Variants in ACBD6 observed in about 807,000 individuals in gnomAD.
ACBD6 encodes acyl-CoA binding domain containing 6.
A neutral mutation model predicts 37.2 loss-of-function variants in ACBD6; 28 were observed. That is an observed-to-expected ratio of 0.75 (90% CI 0.56 to 1.03). The LOEUF (loss-of-function observed/expected upper bound fraction) is 1.03. Among genes scored for constraint, ACBD6 ranks in the 50% least tolerant of loss-of-function variants. ACBD6 has a pLI of 0.00. For synonymous variants in ACBD6, 113 were observed against 126.8 expected (o/e 0.89, Z 0.73); for missense variants, 340 against 337.4 (o/e 1.01, Z -0.06).
intron 6 of ACBD6, among the ~76,000 whole-genome samples, chr1:180,344,289 CCA>C (rs1652091684): frequency 6.6e-6 from 1 of 152,044 alleles, no homozygotes; most frequent in Non-Finnish European, 1.5e-5. Context: ...ACATTTTAGA[CCA>C]CAGAGAATAG....
intron 5 of ACBD6, among the ~76,000 whole-genome samples, chr1:180,399,660 G>C (rs1414767273): frequency 6.6e-6 from 1 of 152,146 alleles, no homozygotes; most frequent in African/African-American, 2.4e-5. Flanking sequence ...AATTTTTGTA[G>C]CTCTAATGTG....
chr1:180,399,553 C>A (rs536328184), intron 5 of ACBD6, among the ~76,000 whole-genome samples: 3 of 152,322 alleles, frequency 2.0e-5, no homozygotes, highest in South Asian at 4.1e-4. Flanking sequence ...CAGGCGTGAG[C>A]CACCACGCCC....
chr1:180,455,191 TA>T (rs561267626), intron 3 of ACBD6, among the ~76,000 whole-genome samples: 1,761 of 151,988 alleles, frequency 0.012, 42 homozygotes, highest in Admixed American at 0.049. Context: ...TATGCAGCCA[TA>T]AAAAAAGGAT....
At chr1:180,272,839 A>C (rs1648760103) in intron 12 of ACBD6, 1 of 152,218 alleles carries the variant, frequency 6.6e-6, no homozygotes, top group African/African-American at 2.4e-5. Context: ...CGTTGTGGGG[A>C]TCAATGAACA....
At chr1:180,489,385 C>T (rs1651400251) in intron 3 of ACBD6, among the ~76,000 whole-genome samples, 1 of 150,544 alleles carries the variant, frequency 6.6e-6, no homozygotes, top group African/African-American at 2.4e-5. Context: ...AGTGTTTAAA[C>T]TAAAAACTAA....
At chr1:180,401,455 A>T (rs141314136) in intron 5 of ACBD6, among the ~76,000 whole-genome samples, 14 of 152,020 alleles carry the variant, frequency 9.2e-5, no homozygotes, top group African/African-American at 3.4e-4. Context: ...TTTTAATTAG[A>T]CTTTTCTCCT....
intron 3 of ACBD6, among the ~76,000 whole-genome samples, chr1:180,441,697 A>C (rs1557872350): frequency 6.6e-6 from 1 of 152,218 alleles, no homozygotes. Flanking sequence ...GGTCTAAAGA[A>C]CACAATGATT....
At chr1:180,366,192 C>T (rs1558268192) in intron 6 of ACBD6, among the ~76,000 whole-genome samples, 1 of 152,142 alleles carries the variant, frequency 6.6e-6, no homozygotes. Context: ...TCTTTTAAGG[C>T]AGATGATTAA....
At chr1:180,360,959 A>C (rs1012541023) in intron 6 of ACBD6, among the ~76,000 whole-genome samples, 1 of 152,136 alleles carries the variant, frequency 6.6e-6, no homozygotes, top group Non-Finnish European at 1.5e-5. Context: ...ACATCAGGAC[A>C]CTTTTCAAAG....
At chr1:180,482,666 G>A (rs1053156987) in intron 3 of ACBD6, among the ~76,000 whole-genome samples, 1 of 152,004 alleles carries the variant, frequency 6.6e-6, no homozygotes, top group African/African-American at 2.4e-5. Flanking sequence ...GAGTAGAAAC[G>A]GAGGAAGAGG....
At chr1:180,393,903 C>G (rs948838999) in intron 6 of ACBD6, among the ~76,000 whole-genome samples, 4 of 152,160 alleles carry the variant, frequency 2.6e-5, no homozygotes. Flanking sequence ...GGAACTTTTA[C>G]TTTGCATTAA....
chr1:180,307,863 G>A (rs1285062376), intron 7 of ACBD6, among the ~76,000 whole-genome samples: 1 of 152,198 alleles, frequency 6.6e-6, no homozygotes, highest in Non-Finnish European at 1.5e-5. Flanking sequence ...GGTGAGGCAG[G>A]AGACTCGCTT....
At chr1:180,273,679 C>G (rs1648830089) in intron 11 of ACBD6, 1 of 156,100 alleles carries the variant, frequency 6.4e-6, no homozygotes, top group South Asian at 2.0e-4. Flanking sequence ...TATTGAACCT[C>G]TCTTCCAGAT....
intron 5 of ACBD6, among the ~76,000 whole-genome samples, chr1:180,401,104 A>G (rs1421731104): frequency 6.6e-6 from 1 of 152,198 alleles, no homozygotes; most frequent in Non-Finnish European, 1.5e-5. Context: ...AATATCCCAG[A>G]AGTATTCAGG....
chr1:180,462,768 C>T (rs947696799), intron 3 of ACBD6, among the ~76,000 whole-genome samples: 24 of 152,146 alleles, frequency 1.6e-4, no homozygotes, highest in African/African-American at 5.8e-4. Context: ...CCCAAAACAA[C>T]AGAATATGCA....
chr1:180,476,327 T>C (rs1221655546), intron 3 of ACBD6, among the ~76,000 whole-genome samples: 1 of 152,182 alleles, frequency 6.6e-6, no homozygotes, highest in Non-Finnish European at 1.5e-5. Flanking sequence ...CCTTGAGCAG[T>C]AGGATGTAAA....
Position 180,502,230 on chromosome 1 carries a change from C to G in ACBD6, c.37G>C (p.Gly13Arg). Residue 13 changes from glycine (G) to arginine (R), a missense_variant, in exon 1 of 8, where the codon GGC becomes CGC. Transcript: ENST00000367595. The stretch of plus-strand genomic sequence containing the variant: ...GAGCTCAGCTCTCCACCGCTGTCGC[C>G]GGTGATGGCCCCCGCGGGCAGGAAT... ...SSFLPAGAIT[G>R]DSGGELSSGD... The G allele has an allele frequency of 1.2e-6, 2 of 1,613,770 alleles. No homozygotes were observed. The highest frequency in any genetic ancestry group is 1.7e-6 in the Non-Finnish European group (2 of 1,180,040).
chr1:180,402,433 A>T (rs1647411020), intron 5 of ACBD6, among the ~76,000 whole-genome samples: 1 of 152,192 alleles, frequency 6.6e-6, no homozygotes, highest in South Asian at 2.1e-4. Context: ...CAACTACTGG[A>T]TCTTGATCTC....
intron 6 of ACBD6, among the ~76,000 whole-genome samples, chr1:180,350,023 C>CTTTTT (rs371542775): frequency 7.6e-5 from 5 of 65,548 alleles, no homozygotes; most frequent in African/African-American, 1.6e-4. Context: ...TCCAGTGACC[C>CTTTTT]TTTTTTTTTT....
Sources: gnomAD v4.1 joint callset for allele counts (sites outside exome capture counted in the v4.1 genomes callset) on GRCh38, gnomAD v4.1.1 for gene constraint, MANE v1.5 for transcripts, NCBI Gene and HGNC (gene_info 2026-07-23, HGNC 2026-07-21) for gene names.